FRMD5: variants seen among roughly 807,000 people sequenced by gnomAD.
The protein encoded by FRMD5 is FERM domain containing 5.
FRMD5 carries 20 observed loss-of-function variants against 69.0 expected under a neutral mutation model. The ratio of observed to expected loss-of-function variants is 0.29; its 90% CI spans 0.20 to 0.42. The LOEUF (loss-of-function observed/expected upper bound fraction) is 0.42, where lower values mean the gene tolerates loss of function less well. FRMD5 is among the 10% of genes least tolerant of loss of function. FRMD5 has a pLI of 1.00. For synonymous variants in FRMD5, 271 were observed against 260.1 expected, an observed-to-expected ratio of 1.04 and a Z score of -0.40; for missense variants, 595 against 708.6, an observed-to-expected ratio of 0.84 and a Z score of 1.82.
chr15:44,130,777 T>C (rs976143487), intron 1 of FRMD5, among the ~76,000 whole-genome samples: 13 of 152,092 alleles, frequency 8.5e-5, no homozygotes, highest in African/African-American at 2.9e-4. Flanking sequence ...AAGCACAAAA[T>C]GCATAGATTT....
At chr15:43,989,253 A>G (rs774271994) in intron 1 of FRMD5, 1 of 791,614 alleles carries the variant, frequency 1.3e-6, no homozygotes, top group Non-Finnish European at 2.3e-6. Flanking sequence ...TCTGCATCCT[A>G]TCGGCGATGC....
chr15:44,057,167 C>CA (rs1352410612), intron 1 of FRMD5, among the ~76,000 whole-genome samples: 1 of 151,276 alleles, frequency 6.6e-6, no homozygotes, highest in African/African-American at 2.4e-5. Flanking sequence ...CTCTGTTGCC[C>CA]AGGCTGGAGT....
At position 43,976,115 on chromosome 15, in the gene FRMD5, TAA is replaced by T. The variant is rs34505005; in HGVS notation, c.103-51808_103-51807del. Among the ~76,000 whole-genome samples, 357 of 140,528 alleles carry T rather than the reference TAA, an allele frequency of 2.5e-3. 4 individuals carry two copies. The highest frequency in any genetic ancestry group is 8.8e-3 in the African/African-American group (346 of 39,388). The allele number at this position is 140,528 out of a possible 152,430, so 92.2% of individuals were successfully genotyped here. On this transcript the variant is annotated intron_variant, in intron 1 of 13. Transcript: ENST00000417257. ...TCAATTCATACCTTGTTCCATATATTAAAAAAAAAAAAACTTAAAGTGGATCA... is the reference window on the plus strand; with the variant it reads ...TCAATTCATACCTTGTTCCATATATTAAAAAAAAAAACTTAAAGTGGATCA...
chr15:44,069,956 T>C (rs932635743), intron 1 of FRMD5, among the ~76,000 whole-genome samples: 4 of 152,170 alleles, frequency 2.6e-5, no homozygotes, highest in African/African-American at 9.7e-5. Flanking sequence ...TTCATATTCA[T>C]AAGAGGATTA....
At chr15:43,965,223 A>G (rs2090273762) in intron 1 of FRMD5, among the ~76,000 whole-genome samples, 1 of 152,158 alleles carries the variant, frequency 6.6e-6, no homozygotes, top group African/African-American at 2.4e-5. Context: ...TCTTCTCTAT[A>G]TTTACTGCAT....
At chr15:44,031,244 C>A (rs1220391619) in intron 1 of FRMD5, among the ~76,000 whole-genome samples, 1 of 152,046 alleles carries the variant, frequency 6.6e-6, no homozygotes, top group Non-Finnish European at 1.5e-5. Context: ...GGCCCCTCTT[C>A]CACAGGGGAG....
At chr15:44,182,862 C>G (rs2078030390) in intron 1 of FRMD5, among the ~76,000 whole-genome samples, 1 of 152,152 alleles carries the variant, frequency 6.6e-6, no homozygotes, top group Non-Finnish European at 1.5e-5. Flanking sequence ...GTGGCATGAT[C>G]TCGGCTCACT....
intron 1 of FRMD5, among the ~76,000 whole-genome samples, chr15:44,099,768 C>T (rs750099667): frequency 6.6e-6 from 1 of 152,098 alleles, no homozygotes; most frequent in Non-Finnish European, 1.5e-5. Context: ...TTTAGGCTTG[C>T]TATGGAGGCA....
At chr15:44,088,193 T>A (rs778312540) in intron 1 of FRMD5, among the ~76,000 whole-genome samples, 35 of 152,080 alleles carry the variant, frequency 2.3e-4, no homozygotes, top group Admixed American at 5.9e-4. Context: ...CATATAAAAT[T>A]CAATGGTTTT....
chr15:44,050,855 A>G (rs1892632892), intron 1 of FRMD5, among the ~76,000 whole-genome samples: 2 of 151,482 alleles, frequency 1.3e-5, no homozygotes, highest in African/African-American at 2.4e-5. Context: ...ACGGGGTTTC[A>G]CCATGCCGGC....
In FRMD5 at chr15:44,182,479, G is replaced by A. The variant is rs577163950; in HGVS notation, c.102+12474C>T. ...CAAGTAGGTGGGACTACAGGCACATGCCACCATGCTTGGCTAATTTTTTGT... is the reference window on the plus strand; with the variant it reads ...CAAGTAGGTGGGACTACAGGCACATACCACCATGCTTGGCTAATTTTTTGT... On this transcript the variant is annotated intron_variant, in intron 1 of 13. Coordinates refer to ENST00000417257, the MANE Select transcript of FRMD5 (RefSeq NM_032892.5). Among the ~76,000 whole-genome samples, 22 of 151,750 alleles carry A rather than the reference G, an allele frequency of 1.4e-4. No individual in the cohort carries two copies. In the South Asian group the frequency reaches 1.7e-3, roughly 11 times the overall value.
chr15:43,885,962 A>C (rs2088652640), intron 10 of FRMD5, among the ~76,000 whole-genome samples: 1 of 152,190 alleles, frequency 6.6e-6, no homozygotes, highest in Non-Finnish European at 1.5e-5. Flanking sequence ...AGGACTGTCA[A>C]CATGGAAACC....
At chr15:43,955,848 C>T (rs903163324) in intron 1 of FRMD5, among the ~76,000 whole-genome samples, 12 of 151,448 alleles carry the variant, frequency 7.9e-5, no homozygotes, top group African/African-American at 2.7e-4. Flanking sequence ...CTTGGCTATA[C>T]AAGAGAACCA....
chr15:44,149,057 T>G (rs552590292), intron 1 of FRMD5, among the ~76,000 whole-genome samples: 57 of 152,308 alleles, frequency 3.7e-4, no homozygotes, highest in Non-Finnish European at 5.1e-4. Flanking sequence ...AAGAGACTCA[T>G]GTATTAAAAA....
chr15:43,967,357 G>A (rs1021217896), intron 1 of FRMD5, among the ~76,000 whole-genome samples: 24 of 151,632 alleles, frequency 1.6e-4, no homozygotes, highest in Admixed American at 1.1e-3. Context: ...CTCAGCCTCC[G>A]GAGTAGCTGG....
At chr15:43,989,216 T>C (rs1211429025) in intron 1 of FRMD5, 2 of 815,656 alleles carry the variant, frequency 2.5e-6, no homozygotes, top group East Asian at 4.9e-5. Flanking sequence ...TTGATCTTCA[T>C]TGTGCTGGGC....
At chr15:43,958,568 G>A (rs1305471132) in intron 1 of FRMD5, among the ~76,000 whole-genome samples, 2 of 152,098 alleles carry the variant, frequency 1.3e-5, no homozygotes, top group African/African-American at 4.8e-5. Context: ...GAGTAACTGG[G>A]ACTACAGGTG....
intron 1 of FRMD5, among the ~76,000 whole-genome samples, chr15:44,068,281 T>G (rs1893394033): frequency 6.6e-6 from 1 of 152,124 alleles, no homozygotes; most frequent in African/African-American, 2.4e-5. Context: ...CCACACAAAC[T>G]TGCGCACAAA....
chr15:43,925,087 C>T (rs537433676), intron 1 of FRMD5, among the ~76,000 whole-genome samples: 1 of 151,552 alleles, frequency 6.6e-6, no homozygotes, highest in East Asian at 1.9e-4. Context: ...TCACTGCAAC[C>T]TCCACCACCT....
Sources: allele counts gnomAD v4.1 joint callset (sites outside exome capture counted in the v4.1 genomes callset), GRCh38; gene constraint gnomAD v4.1.1; transcripts MANE v1.5; gene names NCBI Gene and HGNC (gene_info 2026-07-23, HGNC 2026-07-21).